Variants in TPR observed in about 807,000 individuals in gnomAD.
TPR encodes translocated promoter region, nuclear basket protein.
Under a neutral mutation model 316.1 loss-of-function variants are expected in TPR, and 51 were observed. The ratio of observed to expected loss-of-function variants is 0.16; its 90% CI spans 0.13 to 0.20. TPR has a LOEUF of 0.20. TPR is among the 10% of genes least tolerant of loss of function. The probability of loss-of-function intolerance (pLI) is 1.00; values close to 1 mark genes in which losing one functional copy is unlikely to be tolerated. For synonymous variants in TPR, 981 were observed against 914.7 expected (o/e 1.07, Z -1.31); for missense variants, 2,272 against 2,754.8 (o/e 0.82, Z 3.92).
chr1:186,339,130 G>C (rs1033884739), intron 30 of TPR, among the ~76,000 whole-genome samples: 2 of 151,984 alleles, frequency 1.3e-5, no homozygotes, highest in African/African-American at 4.8e-5. Flanking sequence ...GAAAAAATTA[G>C]ACTTACAAGC....
At chr1:186,314,264 G>A in intron 50 of TPR, 3 of 457,718 alleles carry the variant, frequency 6.6e-6, no homozygotes, top group South Asian at 3.5e-5. Context: ...ACTTTTACTA[G>A]CTAAAACATA....
chr1:186,314,759 G>T, intron 49 of TPR, 35 bp from the exon 50 acceptor site: 1 of 1,384,192 alleles, frequency 7.2e-7, no homozygotes, highest in Non-Finnish European at 1.0e-6. Flanking sequence ...AAAAGCAAGT[G>T]AAAAAATGAG....
At position 186,342,402 on chromosome 1, in the gene TPR, GA is replaced by G. The variant is rs564335772; in HGVS notation, c.3750+923del. The G allele has an allele frequency of 2.6e-5, 4 of 152,210 alleles. No individual in the cohort carries two copies. The East Asian group carries it at 7.7e-4, about 29-fold the overall frequency. 9.4% of individuals were successfully genotyped at this position (152,210 alleles called of 1,614,324 possible). On this transcript the variant is annotated intron_variant, in intron 27 of 50. Transcript: ENST00000367478. The stretch of plus-strand genomic sequence containing the variant: ...AGTATTTACTTTCTATAGCCCAAAG[GA>G]ATAAAAAATGAAGCGGAAAAGACTG...
At chr1:186,318,320 T>G in intron 48 of TPR, 127 bp downstream of exon 48, 15 of 1,240,958 alleles carry the variant, frequency 1.2e-5, no homozygotes, top group Non-Finnish European at 1.7e-5. Flanking sequence ...AGAGCGAGAC[T>G]CTGTCTCAAA....
intron 18 of TPR, among the ~76,000 whole-genome samples, chr1:186,352,954 T>A (rs568130635): frequency 3.2e-4 from 48 of 152,286 alleles, no homozygotes; most frequent in Admixed American, 2.5e-3. Flanking sequence ...ATCACAAAAC[T>A]AAGTATTTAG....
chr1:186,344,642 G>C, intron 24 of TPR, 64 bp from the exon 25 acceptor site: 1 of 1,273,650 alleles, frequency 7.9e-7, no homozygotes, highest in Non-Finnish European at 1.0e-6. Context: ...GTTAGCACTT[G>C]TCCAAAGATA....
intron 43 of TPR, among the ~76,000 whole-genome samples, chr1:186,322,931 C>G (rs1358775950): frequency 6.6e-6 from 1 of 152,122 alleles, no homozygotes; most frequent in Non-Finnish European, 1.5e-5. Flanking sequence ...GTTCAAACAG[C>G]AGTATTGTTT....
chr1:186,345,372 G>A (rs1255194290), intron 24 of TPR, among the ~76,000 whole-genome samples: 3 of 151,984 alleles, frequency 2.0e-5, no homozygotes, highest in Non-Finnish European at 2.9e-5. Flanking sequence ...TTTTCCCATT[G>A]TCAAGATTGC....
chr1:186,350,260 G>A lies in TPR; in HGVS notation c.2739C>T (p.Val913=). 1 of 1,611,988 alleles carries A rather than the reference G, an allele frequency of 6.2e-7. No individual in the cohort carries two copies. The highest frequency in any genetic ancestry group is 1.3e-5 in the African/African-American group (1 of 74,834). The change falls in exon 21 of 51, where the codon GTC becomes GTT. Residue 913 remains valine (V), a synonymous_variant. Transcript: ENST00000367478. ...TLKQHLSNME[V]QVASQSSQRT... The stretch of plus-strand genomic sequence containing the variant: ...TCTGTGAAGACTGAGAAGCAACTTG[G>A]ACTTCCATATTACTGAGGTGCTGTT...
In TPR at chr1:186,374,825, C is replaced by T. The variant is rs1005701478; in HGVS notation, c.151+53G>A. 3.2e-6 allele frequency: 5 copies of T among 1,549,630 alleles called. No homozygotes were observed. The East Asian group carries it at 1.1e-4, about 35-fold the overall frequency. On this transcript the variant is annotated intron_variant, in intron 1 of 50. Coordinates refer to ENST00000367478, the MANE Select transcript of TPR (RefSeq NM_003292.3). Reference sequence around the variant, plus strand: ...CAACTTGATGGGGGAAGACCAGACCCAAAGGGCGGGAGTCGAGCCCAAAAC... The same window carrying T: ...CAACTTGATGGGGGAAGACCAGACCTAAAGGGCGGGAGTCGAGCCCAAAAC...
chr1:186,330,546 CCTA>C (rs1197361677), intron 39 of TPR, among the ~76,000 whole-genome samples: 3 of 151,996 alleles, frequency 2.0e-5, no homozygotes, highest in Admixed American at 2.0e-4. Context: ...TATATATTTA[CCTA>C]CTGTTTATAT....
In TPR at chr1:186,340,952, T is replaced by C. The variant is rs1400344227; in HGVS notation, c.4020+76A>G. On this transcript the variant is annotated intron_variant, in intron 29 of 50. Coordinates refer to ENST00000367478, the MANE Select transcript of TPR (RefSeq NM_003292.3). ...GTAATTTTCACTAGTTCCTCAAATA[T>C]TTTTATTCCCCTAAGTTTCCCCTAT... 3.9e-6 allele frequency: 6 copies of C among 1,537,732 alleles called. No homozygotes were observed. In the South Asian group the frequency reaches 5.0e-5, roughly 13 times the overall value.
intron 21 of TPR, among the ~76,000 whole-genome samples, chr1:186,348,040 T>C (rs1177980375): frequency 6.6e-6 from 1 of 152,120 alleles, no homozygotes; most frequent in Non-Finnish European, 1.5e-5. Flanking sequence ...TCAGTGCACC[T>C]TGAAAAAGAA....
chr1:186,361,034 G>A, intron 9 of TPR, 129 bp from the exon 10 acceptor site: 4 of 971,772 alleles, frequency 4.1e-6, no homozygotes, highest in Non-Finnish European at 5.9e-6. Context: ...TCAGCTGACA[G>A]TATCTATTGA....
intron 26 of TPR, 54 bp from the exon 27 acceptor site, chr1:186,343,527 C>T: frequency 6.5e-7 from 1 of 1,543,516 alleles, no homozygotes; most frequent in South Asian, 1.2e-5. Context: ...GCCAACATTA[C>T]AAAACGTAGG....
At chr1:186,364,297 G>A (rs1260253791) in intron 4 of TPR, among the ~76,000 whole-genome samples, 1 of 151,800 alleles carries the variant, frequency 6.6e-6, no homozygotes, top group Non-Finnish European at 1.5e-5. Flanking sequence ...GAGTTGAATT[G>A]CTTGATATGT....
At chr1:186,330,344 C>G (rs1658121374) in intron 39 of TPR, among the ~76,000 whole-genome samples, 1 of 152,114 alleles carries the variant, frequency 6.6e-6, no homozygotes, top group Non-Finnish European at 1.5e-5. Context: ...ACCACTACAA[C>G]TCTGACTGTA....
chr1:186,343,696 G>A (rs1658586390), intron 26 of TPR, among the ~76,000 whole-genome samples: 1 of 152,164 alleles, frequency 6.6e-6, no homozygotes, highest in African/African-American at 2.4e-5. Flanking sequence ...AGTTTTTCAA[G>A]AGAAAACTGC....
chr1:186,374,915 G>A lies in TPR; in HGVS notation c.114C>T (p.Gly38=). ...FLADQQSEID[G]LKGRHEKFKV... The stretch of plus-strand genomic sequence containing the variant: ...TAAATTTCTCATGCCGCCCCTTCAG[G>A]CCATCGATCTCGGATTGCTGATCAG... The change falls in exon 1 of 51, where the codon GGC becomes GGT. Residue 38 remains glycine, a synonymous_variant. Coordinates refer to ENST00000367478, the MANE Select transcript of TPR (RefSeq NM_003292.3). 6.2e-7 allele frequency: 1 copy of A among 1,603,356 alleles called. No individual in the cohort carries two copies. Among genetic ancestry groups the A allele is most frequent in the Non-Finnish European group, 8.5e-7 (1 of 1,171,080 alleles).
Sources: allele counts gnomAD v4.1 joint callset (sites outside exome capture counted in the v4.1 genomes callset), GRCh38; gene constraint gnomAD v4.1.1; transcripts MANE v1.5; gene names NCBI Gene and HGNC (gene_info 2026-07-23, HGNC 2026-07-21).